The following ABCB5 variants were observed in gnomAD, a reference collection of about 807,000 sequenced individuals.
The protein encoded by ABCB5 is ATP-binding cassette sub-family B member 5.
ABCB5 carries 155 observed loss-of-function variants against 144.2 expected under a neutral mutation model. The ratio of observed to expected loss-of-function variants is 1.08; its 90% CI spans 0.94 to 1.23. ABCB5 has a LOEUF of 1.23. Ranked by LOEUF, ABCB5 falls within the 50% of genes most tolerant of loss-of-function variation. ABCB5 has a pLI of 0.00. For missense variants in ABCB5, 1,830 were observed against 1,520.8 expected (o/e 1.20, Z -3.38); for synonymous variants, 610 against 528.6 (o/e 1.15, Z -2.11).
intron 27 of ABCB5, 71 bp downstream of exon 27, chr7:20,753,577 G>C: frequency 2.7e-6 from 4 of 1,507,190 alleles, no homozygotes; most frequent in Non-Finnish European, 3.6e-6. Context: ...AGGAAACCAA[G>C]GTAAGTTTGG....
At chr7:20,637,620 A>G (rs183717189) in intron 5 of ABCB5, among the ~76,000 whole-genome samples, 1 of 152,036 alleles carries the variant, frequency 6.6e-6, no homozygotes, top group Admixed American at 6.6e-5. Context: ...GGGGTTCTCC[A>G]TGTTGGTCAG....
intron 14 of ABCB5, chr7:20,666,745 A>C: frequency 6.3e-7 from 1 of 1,598,474 alleles, no homozygotes; most frequent in Non-Finnish European, 8.5e-7. Flanking sequence ...TTCTTTCAAT[A>C]TTGTATTTTC....
chr7:20,651,560 T>C lies in ABCB5; in HGVS notation c.1473T>C (p.Asp491=), dbSNP rs935538202. The C allele has an allele frequency of 6.2e-7, 1 of 1,614,078 alleles. No individual in the cohort carries two copies. Among genetic ancestry groups the C allele is most frequent in the Non-Finnish European group, 8.5e-7 (1 of 1,180,000 alleles). Residue 491 remains aspartate (D), a synonymous_variant, in exon 13 of 28, where the codon GAT becomes GAC. Coordinates refer to ENST00000404938, the MANE Select transcript of ABCB5 (RefSeq NM_001163941.2). ...NIKYGRDDVT[D]EEMERAAREA... Reference sequence around the variant, plus strand: ...AGTATGGACGAGATGATGTGACTGATGAAGAGATGGAGAGAGCAGCAAGGG... The same window carrying C: ...AGTATGGACGAGATGATGTGACTGACGAAGAGATGGAGAGAGCAGCAAGGG...
intron 13 of ABCB5, among the ~76,000 whole-genome samples, chr7:20,651,927 G>A (rs775111808): frequency 1.3e-4 from 19 of 151,968 alleles, no homozygotes; most frequent in Non-Finnish European, 5.9e-5. Context: ...TGTGGCCCAG[G>A]GAAGCCAAAA....
chr7:20,632,018 T>C (rs2128019308), intron 4 of ABCB5, 41 bp from the exon 5 acceptor site: 2 of 1,336,650 alleles, frequency 1.5e-6, no homozygotes, highest in Non-Finnish European at 1.0e-6. Flanking sequence ...TGACCAATTA[T>C]AAATTAATTT....
chr7:20,682,522 G>C (rs562394787), intron 15 of ABCB5, among the ~76,000 whole-genome samples: 1 of 152,216 alleles, frequency 6.6e-6, no homozygotes, highest in South Asian at 2.1e-4. Context: ...GAAGGAACTT[G>C]GTGTGCGACT....
chr7:20,756,401 G>C lies in ABCB5; in HGVS notation c.*777G>C, dbSNP rs1372223506. The C allele has an allele frequency of 6.6e-6, 1 of 152,366 alleles. No individual in the cohort carries two copies. Among genetic ancestry groups the C allele is most frequent in the Non-Finnish European group, 1.5e-5 (1 of 68,098 alleles). 9.4% of individuals were successfully genotyped at this position (152,366 alleles called of 1,614,324 possible). A position where few individuals can be genotyped will look rare whatever the true frequency, so the allele number is the denominator to read the frequency against. On this transcript the variant is annotated 3_prime_UTR_variant, in exon 28 of 28. Coordinates refer to ENST00000404938, the MANE Select transcript of ABCB5 (RefSeq NM_001163941.2). ...CTCACGCCTGTAATCCCAGAACTTTGGGAGGCCGAGGAGGGCGGATCACTT... is the reference window on the plus strand; with the variant it reads ...CTCACGCCTGTAATCCCAGAACTTTCGGAGGCCGAGGAGGGCGGATCACTT...
intron 16 of ABCB5, among the ~76,000 whole-genome samples, chr7:20,695,456 A>T (rs1414979127): frequency 6.6e-6 from 1 of 151,998 alleles, no homozygotes; most frequent in Admixed American, 6.6e-5. Context: ...CTAAAATAAT[A>T]AAACTTCTAT....
intron 26 of ABCB5, among the ~76,000 whole-genome samples, chr7:20,750,387 C>T (rs1782883012): frequency 1.3e-5 from 1 of 74,856 alleles, no homozygotes; most frequent in South Asian, 4.2e-4. Context: ...TCCCCCTACA[C>T]ACACACACAC....
intron 14 of ABCB5, among the ~76,000 whole-genome samples, chr7:20,676,508 T>C (rs1785614199): frequency 6.6e-6 from 1 of 152,216 alleles, no homozygotes; most frequent in African/African-American, 2.4e-5. Context: ...GGACAAATAC[T>C]GCATGATTTC....
intron 5 of ABCB5, among the ~76,000 whole-genome samples, chr7:20,638,182 A>T (rs1784206830): frequency 6.6e-6 from 1 of 152,160 alleles, no homozygotes; most frequent in Non-Finnish European, 1.5e-5. Context: ...TCATATTTTC[A>T]CTGCAGAAAA....
chr7:20,659,050 C>T (rs767165154), intron 14 of ABCB5: 2 of 1,612,658 alleles, frequency 1.2e-6, no homozygotes, highest in Admixed American at 3.3e-5. Context: ...CTTCTCTGAC[C>T]ACTTTTCTTC....
intron 19 of ABCB5, among the ~76,000 whole-genome samples, chr7:20,702,828 A>ATTTTTTTTT (rs5882755): frequency 7.9e-5 from 9 of 114,120 alleles, no homozygotes; most frequent in Non-Finnish European, 1.2e-4. Context: ...CGCCTGGCTA[A>ATTTTTTTTT]TTTTTTTTTT....
chr7:20,691,582 T>TTATTTTTATTTA (rs1554285335), intron 16 of ABCB5, among the ~76,000 whole-genome samples: 133 of 146,890 alleles, frequency 9.1e-4, no homozygotes, highest in African/African-American at 3.1e-3. Context: ...TTAAATTCAT[T>TTATTTTTATTTA]TTTATTTATT....
At chr7:20,636,432 T>A (rs1173021888) in intron 5 of ABCB5, among the ~76,000 whole-genome samples, 1 of 152,150 alleles carries the variant, frequency 6.6e-6, no homozygotes, top group Non-Finnish European at 1.5e-5. Flanking sequence ...CATACTTACC[T>A]TTTATAGTAC....
chr7:20,637,521 A>G (rs1336830566), intron 5 of ABCB5, among the ~76,000 whole-genome samples: 2 of 151,836 alleles, frequency 1.3e-5, no homozygotes, highest in East Asian at 1.9e-4. Context: ...CCCGGGTTCA[A>G]GAGATTCTCC....
intron 20 of ABCB5, among the ~76,000 whole-genome samples, chr7:20,710,385 G>GAAA (rs1554287110): frequency 3.5e-5 from 4 of 113,588 alleles, no homozygotes; most frequent in African/African-American, 1.5e-4. Flanking sequence ...AAAAAAAGTG[G>GAAA]GGGGGGGGCA....
chr7:20,719,942 TACACACAC>T lies in ABCB5; in HGVS notation c.2422-3050_2422-3043del, dbSNP rs10533720. Among the ~76,000 whole-genome samples, 275 of 148,882 alleles carry T rather than the reference TACACACAC, an allele frequency of 1.8e-3. 1 individual carries two copies. Among genetic ancestry groups the T allele is most frequent in the East Asian group, 2.6e-3 (13 of 5,060 alleles). On this transcript the variant is annotated intron_variant, in intron 20 of 27. Coordinates refer to ENST00000404938, the MANE Select transcript of ABCB5 (RefSeq NM_001163941.2). Reference sequence around the variant, plus strand: ...GTAAATGTGTGTTTGTACCTATCAATACACACACACACACACACACACACACACACATT... The same window carrying T: ...GTAAATGTGTGTTTGTACCTATCAATACACACACACACACACACACACATT...
At chr7:20,687,255 C>A (rs996456003) in intron 16 of ABCB5, among the ~76,000 whole-genome samples, 8 of 151,940 alleles carry the variant, frequency 5.3e-5, no homozygotes, top group Non-Finnish European at 8.8e-5. Context: ...AAAAATTCAC[C>A]GTATTTATGA....
Sources: allele counts gnomAD v4.1 joint callset (sites outside exome capture counted in the v4.1 genomes callset), GRCh38; gene constraint gnomAD v4.1.1; transcripts MANE v1.5; gene names NCBI Gene and HGNC (gene_info 2026-07-23, HGNC 2026-07-21).